HMGB1: variants seen among roughly 807,000 people sequenced by gnomAD.
HMGB1 encodes high mobility group protein B1.
For synonymous variants in HMGB1, 81 were observed against 84.0 expected (o/e 0.96, Z 0.19); for missense variants, 79 against 253.5 (o/e 0.31, Z 4.67).
chr13:30,526,158 G>C (rs893397600), intron 1 of HMGB1, among the ~76,000 whole-genome samples: 3 of 152,186 alleles, frequency 2.0e-5, no homozygotes, highest in Non-Finnish European at 4.4e-5. Flanking sequence ...CCAGGTTCAA[G>C]TGATTCTCAC....
chr13:30,554,264 G>A, intron 1 of HMGB1: 1 of 1,396,374 alleles, frequency 7.2e-7, no homozygotes, highest in Non-Finnish European at 1.0e-6. Flanking sequence ...CTTGTTGAAA[G>A]TGAGAGAATC....
At chr13:30,470,184 GC>G (rs1886887192), upstream of HMGB1, among the ~76,000 whole-genome samples, 1 of 152,078 alleles carries the variant, frequency 6.6e-6, no homozygotes, top group South Asian at 2.1e-4. Context: ...GAGAAACTGA[GC>G]CCAGCCCCTA....
At chr13:30,475,983 A>T (rs1273637154) in intron 1 of HMGB1, among the ~76,000 whole-genome samples, 1 of 152,186 alleles carries the variant, frequency 6.6e-6, no homozygotes, top group Non-Finnish European at 1.5e-5. Flanking sequence ...TAAGCATTTC[A>T]TATGATTGTA....
intron 1 of HMGB1, among the ~76,000 whole-genome samples, chr13:30,563,613 CA>C (rs1015951497): frequency 5.3e-4 from 80 of 152,012 alleles, no homozygotes; most frequent in African/African-American, 1.9e-3. Flanking sequence ...GACTCTGTCT[CA>C]AAAAAATACA....
chr13:30,576,236 C>T (rs917691962), intron 1 of HMGB1, among the ~76,000 whole-genome samples: 12 of 152,046 alleles, frequency 7.9e-5, no homozygotes, highest in Admixed American at 2.0e-4. Context: ...TTGTAAAAAG[C>T]GCTGGATTGA....
intron 1 of HMGB1, among the ~76,000 whole-genome samples, chr13:30,548,923 T>C (rs939429269): frequency 3.9e-5 from 6 of 152,184 alleles, no homozygotes; most frequent in African/African-American, 7.2e-5. Context: ...TTGTCCCTGA[T>C]AGTGAATAAA....
intron 1 of HMGB1, among the ~76,000 whole-genome samples, chr13:30,580,789 AG>A (rs1239852476): frequency 6.6e-6 from 1 of 152,254 alleles, no homozygotes; most frequent in Non-Finnish European, 1.5e-5. Context: ...GAAAGAGCAA[AG>A]ATAAGCCTTT....
intron 1 of HMGB1, among the ~76,000 whole-genome samples, chr13:30,551,386 C>T (rs1869423556): frequency 6.6e-6 from 1 of 152,212 alleles, no homozygotes; most frequent in Non-Finnish European, 1.5e-5. Flanking sequence ...GTTGACTCTT[C>T]TGCCCTCTGC....
At chr13:30,614,848 C>T (rs189025993) in intron 1 of HMGB1, among the ~76,000 whole-genome samples, 2 of 151,510 alleles carry the variant, frequency 1.3e-5, no homozygotes, top group Non-Finnish European at 2.9e-5. Context: ...ACAGGCGCCT[C>T]CCACCGCGCC....
intron 1 of HMGB1, among the ~76,000 whole-genome samples, chr13:30,484,717 G>C (rs1044897492): frequency 6.6e-6 from 1 of 151,682 alleles, no homozygotes; most frequent in African/African-American, 2.4e-5. Context: ...AAAAGAAAGA[G>C]AGAAAGAGAG....
At chr13:30,503,200 T>C (rs866187502) in intron 1 of HMGB1, among the ~76,000 whole-genome samples, 56 of 151,948 alleles carry the variant, frequency 3.7e-4, no homozygotes, top group African/African-American at 1.3e-3. Flanking sequence ...GAAAATTAGC[T>C]AGGCGTGGTG....
chr13:30,600,413 A>ACTTG (rs1555244541), intron 1 of HMGB1, among the ~76,000 whole-genome samples: 2 of 152,338 alleles, frequency 1.3e-5, no homozygotes, highest in African/African-American at 4.8e-5. Flanking sequence ...AATAAGACAA[A>ACTTG]TAGCAGGTAT....
At position 30,456,760 on chromosome 13, in the gene HMGB1, C is replaced by CCGG. The variant is rs768381868; in HGVS notation, c.*4596_*4597insCCG. 8.9e-4 allele frequency: 12 copies of CCGG among 13,542 alleles called. 1 individual carries two copies. Among genetic ancestry groups the CCGG allele is most frequent in the East Asian group, 7.9e-3 (7 of 888 alleles). 0.8% of individuals were successfully genotyped at this position (13,542 alleles called of 1,614,324 possible). On this transcript the variant is annotated 3_prime_UTR_variant, in exon 5 of 5. Transcript: ENST00000341423. Reference sequence around the variant, plus strand: ...CAGCATAAATAACAGCTTTTGTGGGCGGGGGGGGGGGGTGGTGGGGTGCAA... The same window carrying CCGG: ...CAGCATAAATAACAGCTTTTGTGGGCCGGGGGGGGGGGGGGTGGTGGGGTGCAA...
At chr13:30,536,903 A>C (rs1348616871) in intron 1 of HMGB1, among the ~76,000 whole-genome samples, 1 of 152,148 alleles carries the variant, frequency 6.6e-6, no homozygotes. Flanking sequence ...CCTGCTCCAC[A>C]GGGCCTGGAT....
chr13:30,545,732 G>A lies in HMGB1; in HGVS notation c.-15+70939C>T, dbSNP rs114350908. 7.7e-3 allele frequency among the ~76,000 whole-genome samples: 1,165 copies of A among 152,178 alleles called. 20 individuals carry two copies. The highest frequency in any genetic ancestry group is 0.027 in the African/African-American group (1,132 of 41,508). On this transcript the variant is annotated intron_variant, in intron 1 of 4. Transcript: ENST00000405805. ...TTTTCTTGAGACAAGGTCTTACTCT[G>A]TATCCCAGGCTGGAGTGCAGTGGTG...
chr13:30,531,912 A>AAATT (rs1161234078), intron 1 of HMGB1, among the ~76,000 whole-genome samples: 1 of 151,672 alleles, frequency 6.6e-6, no homozygotes, highest in Non-Finnish European at 1.5e-5. Context: ...ATAAATAAAT[A>AAATT]ATAAATAAAA....
At chr13:30,538,476 TTCTTTCTTTCTTTC>T (rs1366243582) in intron 1 of HMGB1, among the ~76,000 whole-genome samples, 1 of 32,922 alleles carries the variant, frequency 3.0e-5, no homozygotes, top group African/African-American at 8.7e-5. Context: ...CTTTCTTTCT[TTCTTTCTTTCTTTC>T]TTTCTTTCTT....
intron 1 of HMGB1, among the ~76,000 whole-genome samples, chr13:30,538,937 C>G (rs944525599): frequency 6.6e-6 from 1 of 152,014 alleles, no homozygotes; most frequent in Non-Finnish European, 1.5e-5. Flanking sequence ...CGCTCTGTCA[C>G]CCAGGCTGGA....
intron 1 of HMGB1, among the ~76,000 whole-genome samples, chr13:30,485,662 G>T (rs1026943972): frequency 1.3e-5 from 2 of 152,198 alleles, no homozygotes; most frequent in Non-Finnish European, 2.9e-5. Flanking sequence ...AAGGAAAAGC[G>T]GGAGCATGAG....
Sources: gnomAD v4.1 joint callset for allele counts (sites outside exome capture counted in the v4.1 genomes callset) on GRCh38, gnomAD v4.1.1 for gene constraint, MANE v1.5 for transcripts, NCBI Gene and HGNC (gene_info 2026-07-23, HGNC 2026-07-21) for gene names.